Variants in MYCT1 observed in about 807,000 individuals in gnomAD.
MYCT1 encodes the protein myc target protein 1.
A neutral mutation model predicts 15.0 loss-of-function variants in MYCT1; 12 were observed. That is an observed-to-expected ratio of 0.80 (90% CI 0.51 to 1.29). The LOEUF is 1.29. Ranked by LOEUF, MYCT1 falls within the 50% of genes most tolerant of loss-of-function variation. The pLI, the probability that MYCT1 is intolerant of heterozygous loss-of-function variation, is 0.00. For synonymous variants in MYCT1, 104 were observed against 102.7 expected, an observed-to-expected ratio of 1.01 and a Z score of -0.07; for missense variants, 287 against 279.1, an observed-to-expected ratio of 1.03 and a Z score of -0.20.
downstream of MYCT1, among the ~76,000 whole-genome samples, chr6:152,725,649 G>C (rs1347253996): frequency 6.6e-6 from 1 of 152,168 alleles, no homozygotes; most frequent in African/African-American, 2.4e-5. Flanking sequence ...ACTAAGAAGG[G>C]AGTGCTCCTA....
chr6:152,698,841 C>T (rs989709422), intron 1 of MYCT1, among the ~76,000 whole-genome samples: 3 of 152,130 alleles, frequency 2.0e-5, no homozygotes, highest in Admixed American at 6.6e-5. Context: ...CCAGCCACAG[C>T]TAACAGTCCA....
At chr6:152,705,038 T>C (rs1251945727) in intron 1 of MYCT1, among the ~76,000 whole-genome samples, 1 of 152,202 alleles carries the variant, frequency 6.6e-6, no homozygotes, top group East Asian at 1.9e-4. Context: ...ATCATCATTC[T>C]CTGCTTTTAT....
At chr6:152,702,743 G>A (rs148422504) in intron 1 of MYCT1, among the ~76,000 whole-genome samples, 80 of 152,188 alleles carry the variant, frequency 5.3e-4, no homozygotes, top group African/African-American at 1.8e-3. Context: ...TCTCAAATTC[G>A]TTTTTTCAAT....
chr6:152,727,203 T>C (rs1350772320), downstream of MYCT1, among the ~76,000 whole-genome samples: 56 of 114,822 alleles, frequency 4.9e-4, no homozygotes, highest in African/African-American at 1.7e-3. Context: ...AGAGTGAGAC[T>C]CAGTCTCAAA....
the MYCT1 span, among the ~76,000 whole-genome samples, chr6:152,746,764 A>C: frequency 6.6e-6 from 1 of 152,220 alleles, no homozygotes; most frequent in African/African-American, 2.4e-5. Context: ...ACCCTAATAA[A>C]GTTCGAATGA....
Position 152,703,940 on chromosome 6 carries a change from T to TTTTTATTTTATTTTA in MYCT1, c.196+5902_196+5916dup, listed in dbSNP as rs200449869. ...AATTTCTTGAAAATATTTTCCCTGT[T>TTTTTATTTTATTTTA]TTTTATTTTATTTTATTTTATTTTA... is the stretch of plus-strand genomic sequence containing the variant. On this transcript the variant is annotated intron_variant, in intron 1 of 1. Coordinates refer to ENST00000367245, the MANE Select transcript of MYCT1 (RefSeq NM_025107.3). 6.3e-4 allele frequency among the ~76,000 whole-genome samples: 78 copies of TTTTTATTTTATTTTA among 123,106 alleles called. 1 individual carries two copies. In the South Asian group the frequency reaches 0.012, roughly 18 times the overall value. The allele number at this position is 123,106 out of a possible 152,430, so 80.8% of individuals were successfully genotyped here.
the MYCT1 span, among the ~76,000 whole-genome samples, chr6:152,732,207 T>C: frequency 6.6e-6 from 1 of 152,128 alleles, no homozygotes; most frequent in African/African-American, 2.4e-5. Flanking sequence ...GAAATAAAAC[T>C]TAAGAAACAA....
chr6:152,712,862 T>G (rs1264724243), intron 1 of MYCT1, among the ~76,000 whole-genome samples: 2 of 151,940 alleles, frequency 1.3e-5, no homozygotes, highest in Non-Finnish European at 2.9e-5. Context: ...CCTTTGATCT[T>G]CAGCTGTTTG....
intron 1 of MYCT1, chr6:152,705,743 G>C (rs1425863330): frequency 3.2e-6 from 1 of 310,448 alleles, no homozygotes; most frequent in Non-Finnish European, 6.0e-6. Flanking sequence ...CCCTTCTTTG[G>C]TGTATTCCAG....
rs1565388547 is a variant in MYCT1, at chr6:152,699,599, A to G, written c.196+1501A>G. Among the ~76,000 whole-genome samples the G allele has an allele frequency of 2.0e-5, 3 of 152,278 alleles. No homozygotes were observed. The South Asian group carries it at 6.2e-4, about 32-fold the overall frequency. On this transcript the variant is annotated intron_variant, in intron 1 of 1. Transcript: ENST00000367245. ...AATAAGTGCTAAATGCACACTGAAA[A>G]AGAGCTAGAGTCTGTCTAAATCAAA...
In MYCT1 at chr6:152,699,721, T is replaced by A. The variant is rs183664172; in HGVS notation, c.196+1623T>A. 2.9e-3 allele frequency among the ~76,000 whole-genome samples: 448 copies of A among 152,196 alleles called. 13 individuals are homozygous for A. Among genetic ancestry groups the A allele is most frequent in the Admixed American group, 0.027 (415 of 15,280 alleles). ...AAGTCAATCTATTTTTTTCAAACCA[T>A]TCAAAATTAAATTTCAGGTTTACTT... On this transcript the variant is annotated intron_variant, in intron 1 of 1. Transcript: ENST00000367245.
chr6:152,719,237 A>G (rs566592623), intron 1 of MYCT1, among the ~76,000 whole-genome samples: 16 of 152,228 alleles, frequency 1.1e-4, no homozygotes, highest in Non-Finnish European at 1.8e-4. Flanking sequence ...ATATTATTTA[A>G]CCACCATTCT....
chr6:152,724,567 CAA>C lies in MYCT1; in HGVS notation c.*2315_*2316del, dbSNP rs754114730. 7.9e-5 allele frequency: 12 copies of C among 151,940 alleles called. No individual in the cohort carries two copies. The highest frequency in any genetic ancestry group is 2.1e-4 in the South Asian group (1 of 4,826). 9.4% of individuals were successfully genotyped at this position (151,940 alleles called of 1,614,324 possible). A position where few individuals can be genotyped will look rare whatever the true frequency, so the allele number is the denominator to read the frequency against. Reference sequence around the variant, plus strand: ...TTGTGAAATAAAAATAAATTTATGTCAAGTTTTATTCAAAATTCATTTATGAA... The same window carrying C: ...TTGTGAAATAAAAATAAATTTATGTCGTTTTATTCAAAATTCATTTATGAA... On this transcript the variant is annotated 3_prime_UTR_variant, in exon 2 of 2. Coordinates refer to ENST00000367245, the MANE Select transcript of MYCT1 (RefSeq NM_025107.3).
At chr6:152,742,223 C>T in the MYCT1 span, among the ~76,000 whole-genome samples, 2 of 152,082 alleles carry the variant, frequency 1.3e-5, no homozygotes, top group Non-Finnish European at 2.9e-5. Context: ...AATCACAGCA[C>T]CTCACCCAAA....
At chr6:152,726,479 G>T (rs778786525), downstream of MYCT1, among the ~76,000 whole-genome samples, 39 of 151,294 alleles carry the variant, frequency 2.6e-4, no homozygotes, top group Middle Eastern at 3.6e-3. Context: ...CCTCACCCAG[G>T]CAAGTGGGAC....
At chr6:152,702,944 G>A (rs2099721592) in intron 1 of MYCT1, among the ~76,000 whole-genome samples, 1 of 152,168 alleles carries the variant, frequency 6.6e-6, no homozygotes, top group Admixed American at 6.6e-5. Context: ...TTCAACAGAT[G>A]TGAGATGGAA....
chr6:152,718,301 A>G (rs1203326581), intron 1 of MYCT1, among the ~76,000 whole-genome samples: 1 of 152,212 alleles, frequency 6.6e-6, no homozygotes, highest in East Asian at 1.9e-4. Flanking sequence ...GTTTTCTTAC[A>G]TCAGAACAAT....
chr6:152,742,431 GA>G, the MYCT1 span, among the ~76,000 whole-genome samples: 1 of 152,154 alleles, frequency 6.6e-6, no homozygotes, highest in East Asian at 1.9e-4. Context: ...ATTGTGGGTG[GA>G]TGGGGAGGGG....
At chr6:152,701,799 A>G (rs1204524573) in intron 1 of MYCT1, among the ~76,000 whole-genome samples, 3 of 152,068 alleles carry the variant, frequency 2.0e-5, no homozygotes, top group Admixed American at 6.5e-5. Flanking sequence ...CTTTCTGTAA[A>G]TCCCTCTGGT....
Sources: gnomAD v4.1 joint callset for allele counts (sites outside exome capture counted in the v4.1 genomes callset) on GRCh38, gnomAD v4.1.1 for gene constraint, MANE v1.5 for transcripts, NCBI Gene and HGNC (gene_info 2026-07-23, HGNC 2026-07-21) for gene names.